Variants in CADPS2 observed in about 807,000 individuals in gnomAD.
CADPS2 encodes the protein calcium-dependent secretion activator 2.
A neutral mutation model predicts 172.5 loss-of-function variants in CADPS2; 93 were observed. That is an observed-to-expected ratio of 0.54 (90% CI 0.46 to 0.64). The LOEUF is 0.64. CADPS2 is among the 30% of genes least tolerant of loss of function. The pLI is 0.00. For missense variants in CADPS2, 1,420 were observed against 1,565.9 expected, an observed-to-expected ratio of 0.91 and a Z score of 1.57; for synonymous variants, 546 against 555.2, an observed-to-expected ratio of 0.98 and a Z score of 0.23.
rs146863034 is a variant in CADPS2, at chr7:122,708,783, G to T, written c.453+28172C>A. Among the ~76,000 whole-genome samples the T allele has an allele frequency of 5.0e-3, 754 of 151,526 alleles. 7 individuals carry two copies. Among genetic ancestry groups the T allele is most frequent in the African/African-American group, 0.017 (716 of 41,332 alleles). On this transcript the variant is annotated intron_variant, in intron 2 of 29. Transcript: ENST00000449022. ...CAATTTTTTCCTTATTCAGTCTACC[G>T]ATTTAGAAGATAGAATGGTAATCAG...
chr7:122,436,489 G>T, intron 17 of CADPS2: 1 of 407,504 alleles, frequency 2.5e-6, no homozygotes, highest in African/African-American at 2.2e-5. Flanking sequence ...TCTTAGTCTA[G>T]TCCTGAGGAT....
At chr7:122,628,880 G>C (rs929598709) in intron 4 of CADPS2, among the ~76,000 whole-genome samples, 1 of 150,954 alleles carries the variant, frequency 6.6e-6, no homozygotes, top group African/African-American at 2.4e-5. Flanking sequence ...GTATACTTAG[G>C]AATGTATTAT....
At position 122,820,556 on chromosome 7, in the gene CADPS2, GTTT is replaced by G. The variant is rs551121404; in HGVS notation, c.339+65440_339+65442del. ...TTGACCTTACTGTTTTTTGTTTTTTGTTTTTTTTTTTTTTTTTTTTTGAGACGG... is the reference window on the plus strand; with the variant it reads ...TTGACCTTACTGTTTTTTGTTTTTTGTTTTTTTTTTTTTTTTTTGAGACGG... On this transcript the variant is annotated intron_variant, in intron 1 of 29. Transcript: ENST00000449022. Among the ~76,000 whole-genome samples, 5 of 86,524 alleles carry G rather than the reference GTTT, an allele frequency of 5.8e-5. 1 individual carries two copies. Among genetic ancestry groups the G allele is most frequent in the African/African-American group, 1.5e-4 (3 of 19,488 alleles). The allele number at this position is 86,524 out of a possible 152,430, so 56.8% of individuals were successfully genotyped here. A position where few individuals can be genotyped will look rare whatever the true frequency, so the allele number is the denominator to read the frequency against.
intron 8 of CADPS2, among the ~76,000 whole-genome samples, chr7:122,547,906 C>T (rs2063789769): frequency 6.6e-6 from 1 of 152,052 alleles, no homozygotes; most frequent in East Asian, 1.9e-4. Flanking sequence ...CTTTAGAATG[C>T]TAATTTCAAT....
chr7:122,638,945 G>C (rs943305088), intron 3 of CADPS2, among the ~76,000 whole-genome samples: 2 of 152,158 alleles, frequency 1.3e-5, no homozygotes, highest in African/African-American at 4.8e-5. Context: ...GTACACACTA[G>C]CTCCTCTAGT....
intron 1 of CADPS2, among the ~76,000 whole-genome samples, chr7:122,793,568 T>C (rs1250503022): frequency 6.6e-6 from 1 of 152,188 alleles, no homozygotes; most frequent in Admixed American, 6.5e-5. Flanking sequence ...CAATGGGTCT[T>C]GCTTTTTTAT....
chr7:122,643,411 A>C (rs1230903730), intron 3 of CADPS2, among the ~76,000 whole-genome samples: 1 of 152,192 alleles, frequency 6.6e-6, no homozygotes, highest in African/African-American at 2.4e-5. Flanking sequence ...GCCCACAAAC[A>C]CATGAGCTCT....
intron 6 of CADPS2, among the ~76,000 whole-genome samples, chr7:122,610,150 A>AT (rs972138268): frequency 2.6e-4 from 35 of 136,384 alleles, no homozygotes; most frequent in African/African-American, 6.3e-4. Flanking sequence ...AGAAAGAGTA[A>AT]TAAAAAAAAA....
chr7:122,650,759 TAAAATTACACTGACA>T (rs1200246252), intron 3 of CADPS2, among the ~76,000 whole-genome samples: 1 of 152,208 alleles, frequency 6.6e-6, no homozygotes, highest in Non-Finnish European at 1.5e-5. Context: ...AGGAATATGT[TAAAATTACACTGACA>T]ATTTAAAAAT....
intron 4 of CADPS2, among the ~76,000 whole-genome samples, chr7:122,622,274 A>G (rs567168029): frequency 9.8e-5 from 15 of 152,330 alleles, no homozygotes; most frequent in Non-Finnish European, 7.4e-5. Flanking sequence ...TTCACATTAC[A>G]TTAATGTGCC....
intron 28 of CADPS2, among the ~76,000 whole-genome samples, chr7:122,333,257 T>C (rs1030664651): frequency 6.6e-6 from 1 of 152,238 alleles, no homozygotes; most frequent in Non-Finnish European, 1.5e-5. Context: ...TAAAAGTATA[T>C]TGGACTCTTG....
chr7:122,400,777 C>T (rs1264578418), intron 20 of CADPS2, among the ~76,000 whole-genome samples: 1 of 152,186 alleles, frequency 6.6e-6, no homozygotes, highest in Non-Finnish European at 1.5e-5. Flanking sequence ...CCAGATATAT[C>T]TATAAACACC....
chr7:122,549,607 T>C (rs1325178752), intron 8 of CADPS2, among the ~76,000 whole-genome samples: 1 of 149,574 alleles, frequency 6.7e-6, no homozygotes, highest in African/African-American at 2.5e-5. Context: ...GGCGACAGAG[T>C]GAGACTCTGT....
chr7:122,811,204 T>G (rs1441726511), intron 1 of CADPS2, among the ~76,000 whole-genome samples: 1 of 152,212 alleles, frequency 6.6e-6, no homozygotes, highest in African/African-American at 2.4e-5. Flanking sequence ...ATTCTTCTAG[T>G]AACACCCTGT....
intron 2 of CADPS2, among the ~76,000 whole-genome samples, chr7:122,684,779 A>G: frequency 6.6e-6 from 1 of 152,180 alleles, no homozygotes; most frequent in East Asian, 1.9e-4. Flanking sequence ...CCAGAGAATG[A>G]GTTGCTACCC....
intron 1 of CADPS2, among the ~76,000 whole-genome samples, chr7:122,828,612 C>T (rs1275705870): frequency 6.6e-6 from 1 of 152,086 alleles, no homozygotes; most frequent in East Asian, 1.9e-4. Context: ...ATTGTATGTA[C>T]TCATATTTAA....
At chr7:122,668,868 ACT>A (rs1340916260) in intron 2 of CADPS2, among the ~76,000 whole-genome samples, 1 of 151,962 alleles carries the variant, frequency 6.6e-6, no homozygotes, top group Non-Finnish European at 1.5e-5. Flanking sequence ...CATCTGCCTT[ACT>A]CTTTCATTTT....
intron 3 of CADPS2, among the ~76,000 whole-genome samples, chr7:122,638,258 T>C (rs2077264872): frequency 6.6e-6 from 1 of 152,034 alleles, no homozygotes; most frequent in Admixed American, 6.6e-5. Context: ...CATGCCCTGC[T>C]CCCCCAACAT....
intron 2 of CADPS2, among the ~76,000 whole-genome samples, chr7:122,734,544 A>G (rs768865245): frequency 6.6e-6 from 1 of 151,846 alleles, no homozygotes; most frequent in Admixed American, 6.6e-5. Flanking sequence ...TATTGAAAGA[A>G]GAAAAGTTAA....
Sources: allele counts gnomAD v4.1 joint callset (sites outside exome capture counted in the v4.1 genomes callset), GRCh38; gene constraint gnomAD v4.1.1; transcripts MANE v1.5; gene names NCBI Gene and HGNC (gene_info 2026-07-23, HGNC 2026-07-21).